RNF180: variants seen among roughly 807,000 people sequenced by gnomAD.
RNF180 encodes the protein E3 ubiquitin-protein ligase RNF180.
In RNF180, 38 loss-of-function variants were observed where a neutral mutation model predicts 59.2. The ratio of observed to expected loss-of-function variants is 0.64; its 90% CI spans 0.50 to 0.84. The LOEUF is 0.84. Among genes scored for constraint, RNF180 ranks in the 40% least tolerant of loss-of-function variants. The pLI is 0.00. For missense variants in RNF180, 705 were observed against 700.9 expected, an observed-to-expected ratio of 1.01 and a Z score of -0.07; for synonymous variants, 262 against 240.3, an observed-to-expected ratio of 1.09 and a Z score of -0.84.
intron 1 of RNF180, among the ~76,000 whole-genome samples, chr5:64,194,810 G>T (rs1033707734): frequency 1.3e-5 from 2 of 152,166 alleles, no homozygotes; most frequent in East Asian, 1.9e-4. Context: ...CTTTTGAGAA[G>T]TGTCTGTTCA....
intron 7 of RNF180, among the ~76,000 whole-genome samples, chr5:64,361,282 A>G (rs1526874): frequency 0.45 from 67,582 of 151,084 alleles, 16,481 homozygotes; most frequent in African/African-American, 0.65. Context: ...CCAGTATTAA[A>G]GACATATGGA....
At chr5:64,317,729 T>C (rs1044287016) in intron 5 of RNF180, among the ~76,000 whole-genome samples, 2 of 149,370 alleles carry the variant, frequency 1.3e-5, no homozygotes, top group Non-Finnish European at 3.0e-5. Flanking sequence ...TACCAAACCC[T>C]ATATATATAT....
intron 5 of RNF180, among the ~76,000 whole-genome samples, chr5:64,251,091 G>C (rs1017338136): frequency 2.6e-5 from 4 of 152,094 alleles, no homozygotes; most frequent in Non-Finnish European, 4.4e-5. Flanking sequence ...CATGTTAACA[G>C]AATGACAGAA....
At chr5:64,299,999 T>G (rs1743080203) in intron 5 of RNF180, among the ~76,000 whole-genome samples, 1 of 151,808 alleles carries the variant, frequency 6.6e-6, no homozygotes, top group African/African-American at 2.4e-5. Context: ...CATTAGTCAC[T>G]TAGTAGTTGG....
chr5:64,342,015 G>A (rs1745372187), intron 7 of RNF180, among the ~76,000 whole-genome samples: 1 of 152,086 alleles, frequency 6.6e-6, no homozygotes, highest in Admixed American at 6.6e-5. Flanking sequence ...TTAGAGGGAT[G>A]AATGTGACCT....
chr5:64,254,520 A>G (rs1743808840), intron 5 of RNF180, among the ~76,000 whole-genome samples: 1 of 152,168 alleles, frequency 6.6e-6, no homozygotes, highest in Non-Finnish European at 1.5e-5. Context: ...TTAAAAATTT[A>G]GGAGATTGGG....
chr5:64,263,327 T>C (rs1202742609), intron 5 of RNF180, among the ~76,000 whole-genome samples: 6 of 152,164 alleles, frequency 3.9e-5, no homozygotes, highest in African/African-American at 4.8e-5. Context: ...CCGGTCTCCA[T>C]GGTGTAAATA....
intron 4 of RNF180, among the ~76,000 whole-genome samples, chr5:64,217,116 A>G (rs918494021): frequency 3.9e-5 from 6 of 152,216 alleles, no homozygotes; most frequent in African/African-American, 1.4e-4. Context: ...TATAGTATAC[A>G]ACCTTGAGAC....
rs1204558835 is a variant in RNF180, at chr5:64,228,711, T to C, written c.1227+11315T>C. On this transcript the variant is annotated intron_variant, in intron 5 of 7. Coordinates refer to ENST00000389100, the MANE Select transcript of RNF180 (RefSeq NM_001113561.2). ...TCATTATAAGTCATTACCCTAATATTATACCCTTTTTATTCATTTCTTGGT... is the reference window on the plus strand; with the variant it reads ...TCATTATAAGTCATTACCCTAATATCATACCCTTTTTATTCATTTCTTGGT... 3.9e-5 allele frequency among the ~76,000 whole-genome samples: 6 copies of C among 152,124 alleles called. No individual in the cohort carries two copies. The East Asian group carries it at 1.2e-3, about 29-fold the overall frequency.
In RNF180 at chr5:64,214,222, C is replaced by T. The variant is rs1388453815; in HGVS notation, c.896C>T (p.Pro299Leu). ...SMLLQRFSVAPHETQTQRGGE... is the reference protein window; with the variant it reads ...SMLLQRFSVALHETQTQRGGE... ...CTGCTGCAAAGATTTTCAGTGGCCC[C>T]CCATGAGACCCAGACACAAAGAGGA... Residue 299 changes from proline to leucine, a missense_variant, in exon 4 of 8, where the codon CCC becomes CTC. Physicochemically the swap from Pro to Leu is moderately conservative, Grantham distance 98 (BLOSUM62 -3). Coordinates refer to ENST00000389100, the MANE Select transcript of RNF180 (RefSeq NM_001113561.2). 1 of 1,614,022 alleles carries T rather than the reference C, an allele frequency of 6.2e-7. No homozygotes were observed. The highest frequency in any genetic ancestry group is 1.7e-5 in the Admixed American group (1 of 59,970).
chr5:64,172,089 GT>G (rs1421701687), intron 1 of RNF180, among the ~76,000 whole-genome samples: 3 of 152,198 alleles, frequency 2.0e-5, no homozygotes, highest in Admixed American at 2.0e-4. Flanking sequence ...TTATCAACTT[GT>G]GGGCCACTTT....
At chr5:64,304,836 G>T (rs73103180) in intron 5 of RNF180, among the ~76,000 whole-genome samples, 30 of 151,714 alleles carry the variant, frequency 2.0e-4, no homozygotes, top group Admixed American at 7.2e-4. Flanking sequence ...CTATAAAACA[G>T]CATTGCATGC....
At chr5:64,203,463 A>G (rs917071645) in intron 2 of RNF180, among the ~76,000 whole-genome samples, 1 of 152,142 alleles carries the variant, frequency 6.6e-6, no homozygotes, top group African/African-American at 2.4e-5. Context: ...AAGTTTCCTC[A>G]GGCCTATTTG....
chr5:64,277,740 C>G (rs1025892481), intron 5 of RNF180, among the ~76,000 whole-genome samples: 1 of 152,086 alleles, frequency 6.6e-6, no homozygotes, highest in African/African-American at 2.4e-5. Flanking sequence ...ATGGAAATAC[C>G]AGGGACAAAT....
At chr5:64,349,758 G>A (rs932852339) in intron 7 of RNF180, among the ~76,000 whole-genome samples, 4 of 152,112 alleles carry the variant, frequency 2.6e-5, no homozygotes, top group Non-Finnish European at 4.4e-5. Flanking sequence ...CCCTACAAAG[G>A]ACGTGAACTC....
chr5:64,261,581 G>GA (rs1029582431), intron 5 of RNF180, among the ~76,000 whole-genome samples: 2 of 151,730 alleles, frequency 1.3e-5, no homozygotes, highest in African/African-American at 4.8e-5. Context: ...ATTTATTTTT[G>GA]AAAAAAATAT....
intron 2 of RNF180, among the ~76,000 whole-genome samples, chr5:64,202,727 A>T (rs1181214369): frequency 6.6e-6 from 1 of 152,172 alleles, no homozygotes; most frequent in Non-Finnish European, 1.5e-5. Flanking sequence ...GTGACTAATG[A>T]TGTAGCGTAC....
chr5:64,208,110 T>C (rs1444951245), intron 2 of RNF180, among the ~76,000 whole-genome samples: 1 of 152,106 alleles, frequency 6.6e-6, no homozygotes, highest in Non-Finnish European at 1.5e-5. Context: ...AGTGATATTT[T>C]TCTGTTATAG....
chr5:64,172,731 T>C (rs1349502430), intron 1 of RNF180, among the ~76,000 whole-genome samples: 1 of 152,172 alleles, frequency 6.6e-6, no homozygotes, highest in African/African-American at 2.4e-5. Context: ...CCTCCGTGTA[T>C]TGCAGGAGAG....
Sources: allele counts gnomAD v4.1 joint callset (sites outside exome capture counted in the v4.1 genomes callset), GRCh38; gene constraint gnomAD v4.1.1; transcripts MANE v1.5; gene names NCBI Gene and HGNC (gene_info 2026-07-23, HGNC 2026-07-21).